The following GPX6 variants were observed in gnomAD, a reference collection of about 807,000 sequenced individuals.
GPX6 encodes the protein glutathione peroxidase 6, also known as glutathione peroxidase 6 (olfactory).
Under a neutral mutation model 20.0 loss-of-function variants are expected in GPX6, and 21 were observed. The ratio of observed to expected loss-of-function variants is 1.05; its 90% CI spans 0.74 to 1.51. The LOEUF (loss-of-function observed/expected upper bound fraction) is 1.51, where lower values mean the gene tolerates loss of function less well. Ranked by LOEUF, GPX6 falls within the 40% of genes most tolerant of loss-of-function variation. The pLI is 0.00. For missense variants in GPX6, 233 were observed against 254.7 expected, an observed-to-expected ratio of 0.91 and a Z score of 0.58; for synonymous variants, 75 against 98.0, an observed-to-expected ratio of 0.77 and a Z score of 1.38.
At chr6:28,508,793 C>T (rs2113600109) in intron 2 of GPX6, among the ~76,000 whole-genome samples, 1 of 152,264 alleles carries the variant, frequency 6.6e-6, no homozygotes, top group African/African-American at 2.4e-5. Flanking sequence ...GGCGACAGAG[C>T]AAGACCCTGT....
chr6:28,513,650 A>G (rs1762967840), intron 1 of GPX6, among the ~76,000 whole-genome samples: 1 of 152,248 alleles, frequency 6.6e-6, no homozygotes. Flanking sequence ...CATGCCAAGA[A>G]TAAAAGGCAT....
chr6:28,509,131 C>T (rs1262520901), intron 2 of GPX6, among the ~76,000 whole-genome samples: 1 of 152,088 alleles, frequency 6.6e-6, no homozygotes, highest in Non-Finnish European at 1.5e-5. Flanking sequence ...ATTTTTATTA[C>T]TGAAAATCCA....
chr6:28,512,219 C>T (rs1043604459), intron 1 of GPX6, among the ~76,000 whole-genome samples: 3 of 152,372 alleles, frequency 2.0e-5, no homozygotes, highest in East Asian at 1.9e-4. Flanking sequence ...GGCCGTGGTG[C>T]GGCATCCACT....
chr6:28,513,184 C>T (rs1294118653), intron 1 of GPX6, among the ~76,000 whole-genome samples: 1 of 152,176 alleles, frequency 6.6e-6, no homozygotes, highest in Non-Finnish European at 1.5e-5. Flanking sequence ...ATTCTCCATG[C>T]CCACGTGTGA....
In GPX6 at chr6:28,503,331, G is replaced by C. The variant is rs1171931831; in HGVS notation, c.*961C>G. 1 of 152,210 alleles carries C rather than the reference G, an allele frequency of 6.6e-6. No homozygotes were observed. The highest frequency in any genetic ancestry group is 1.5e-5 in the Non-Finnish European group (1 of 68,100). The allele number at this position is 152,210 out of a possible 1,614,324, so 9.4% of individuals were successfully genotyped here. ...TTTATATGTGCCAAGGAAAGTTCTA[G>C]AGCATTTTTGAGAAAAACAAAATAC... On this transcript the variant is annotated 3_prime_UTR_variant, in exon 5 of 5. Coordinates refer to ENST00000361902, the MANE Select transcript of GPX6 (RefSeq NM_182701.1).
In GPX6 at chr6:28,504,488, G is replaced by A. The variant is rs1332172929; in HGVS notation, c.470C>T (p.Pro157Leu). The stretch of plus-strand genomic sequence containing the variant: ...TGAGCCCAAAAGATCAGAGGTCGGA[G>A]GGCAGGAGTTCTGGAGCAGAGATAT... ...KVFTFLKNSCPPTSDLLGSSS... is the reference protein window; with the variant it reads ...KVFTFLKNSCLPTSDLLGSSS... The change falls in exon 5 of 5, where the codon CCT becomes CTT. Residue 157 changes from proline to leucine, a missense_variant. Transcript: ENST00000361902. 1.9e-6 allele frequency: 3 copies of A among 1,613,824 alleles called. No individual in the cohort carries two copies. Among genetic ancestry groups the A allele is most frequent in the East Asian group, 4.5e-5 (2 of 44,874 alleles).
chr6:28,515,531 T>G, intron 1 of GPX6, 126 bp downstream of exon 1: 2 of 696,072 alleles, frequency 2.9e-6, no homozygotes, highest in Non-Finnish European at 5.1e-6. Context: ...TCAGGATTTG[T>G]GAAGAAGGGC....
At chr6:28,508,570 T>C (rs1050966026) in intron 2 of GPX6, among the ~76,000 whole-genome samples, 12 of 151,604 alleles carry the variant, frequency 7.9e-5, no homozygotes, top group South Asian at 2.1e-4. Flanking sequence ...CTTTGGGAGA[T>C]TGAAGCAGTT....
Position 28,515,779 on chromosome 6 carries a change from A to G in GPX6, c.-36T>C. 6.4e-7 allele frequency: 1 copy of G among 1,565,254 alleles called. No individual in the cohort carries two copies. Among genetic ancestry groups the G allele is most frequent in the Non-Finnish European group, 8.8e-7 (1 of 1,136,380 alleles). On this transcript the variant is annotated 5_prime_UTR_variant, in exon 1 of 5. Transcript: ENST00000361902. The stretch of plus-strand genomic sequence containing the variant: ...TTTAGACGACTCTGAGGTCCCCAGG[A>G]TTTCAGCCCCTTTTGAGCCCCTGGC...
At chr6:28,510,945 A>G in intron 1 of GPX6, 41 bp from the exon 2 acceptor site, 1 of 1,537,702 alleles carries the variant, frequency 6.5e-7, no homozygotes, top group East Asian at 2.3e-5. Context: ...ATAAGATAAA[A>G]AATAATTCCC....
In GPX6 at chr6:28,514,263, A is replaced by G. The variant is rs1299571196; in HGVS notation, c.87+1394T>C. On this transcript the variant is annotated intron_variant, in intron 1 of 4. Transcript: ENST00000361902. ...TCTCATGAGGATGTCACTCTGTGAAATGAGATGCAGAATCCCACGAAAACT... is the reference window on the plus strand; with the variant it reads ...TCTCATGAGGATGTCACTCTGTGAAGTGAGATGCAGAATCCCACGAAAACT... Among the ~76,000 whole-genome samples, 4 of 152,212 alleles carry G rather than the reference A, an allele frequency of 2.6e-5. 1 individual carries two copies. Among genetic ancestry groups the G allele is most frequent in the African/African-American group, 9.7e-5 (4 of 41,446 alleles).
chr6:28,513,386 G>A (rs1480533941), intron 1 of GPX6, among the ~76,000 whole-genome samples: 2 of 152,274 alleles, frequency 1.3e-5, no homozygotes, highest in East Asian at 1.9e-4. Context: ...TAAGGTTGGA[G>A]CTCCACAATC....
chr6:28,513,381 T>G (rs772696205), intron 1 of GPX6, among the ~76,000 whole-genome samples: 138 of 152,166 alleles, frequency 9.1e-4, no homozygotes, highest in Non-Finnish European at 1.3e-3. Context: ...TGCCTTAAGG[T>G]TGGAGCTCCA....
At chr6:28,508,349 G>T (rs993125114) in intron 2 of GPX6, among the ~76,000 whole-genome samples, 6 of 152,038 alleles carry the variant, frequency 3.9e-5, no homozygotes, top group South Asian at 2.1e-4. Context: ...AGGTCCTGAG[G>T]TCCTATAGTA....
intron 4 of GPX6, 123 bp downstream of exon 4, chr6:28,505,580 T>G (rs563611210): frequency 1.4e-6 from 1 of 704,982 alleles, no homozygotes; most frequent in Admixed American, 2.3e-5. Context: ...GATATTGCCA[T>G]GAGCCTTGAA....
chr6:28,512,858 TTGCAGCTTCACTCTTGAGCCTC>T (rs1044014201), intron 1 of GPX6, among the ~76,000 whole-genome samples: 10 of 151,684 alleles, frequency 6.6e-5, no homozygotes, highest in African/African-American at 1.2e-4. Context: ...CCGCGAGGCT[TTGCAGCTTCACTCTTGAGCCTC>T]TGCAGCTTCA....
In GPX6 at chr6:28,504,459, T is replaced by C. The variant is rs1422340216; in HGVS notation, c.499A>G (p.Ser167Gly). 1 of 1,614,016 alleles carries C rather than the reference T, an allele frequency of 6.2e-7. No individual in the cohort carries two copies. The highest frequency in any genetic ancestry group is 8.5e-7 in the Non-Finnish European group (1 of 1,180,042). Reference protein sequence around the residue: ...PPTSDLLGSSSQLFWEPMKVH... With the variant: ...PPTSDLLGSSGQLFWEPMKVH... Reference sequence around the variant, plus strand: ...TTCATGGGCTCCCAGAAGAGTTGGCTTGATGAGCCCAAAAGATCAGAGGTC... The same window carrying C: ...TTCATGGGCTCCCAGAAGAGTTGGCCTGATGAGCCCAAAAGATCAGAGGTC... The change falls in exon 5 of 5, where the codon AGC (serine) becomes GGC (glycine). Residue 167 changes from serine to glycine, a missense_variant. Transcript: ENST00000361902.
chr6:28,508,527 C>T (rs1444546875), intron 2 of GPX6, among the ~76,000 whole-genome samples: 2 of 151,852 alleles, frequency 1.3e-5, no homozygotes, highest in African/African-American at 2.4e-5. Flanking sequence ...AAATTGAGGC[C>T]GGGTGTGGTG....
chr6:28,504,957 A>G (rs1392553579), intron 4 of GPX6, among the ~76,000 whole-genome samples: 2 of 152,228 alleles, frequency 1.3e-5, no homozygotes, highest in Admixed American at 1.3e-4. Flanking sequence ...ACGTAGAATC[A>G]CTAATACTCA....
Sources: gnomAD v4.1 joint callset for allele counts (sites outside exome capture counted in the v4.1 genomes callset) on GRCh38, gnomAD v4.1.1 for gene constraint, MANE v1.5 for transcripts, NCBI Gene and HGNC (gene_info 2026-07-23, HGNC 2026-07-21) for gene names.